Variants in HAUS8 observed in about 807,000 individuals in gnomAD.
The protein encoded by HAUS8 is HAUS augmin-like complex subunit 8.
Under a neutral mutation model 42.9 loss-of-function variants are expected in HAUS8, and 38 were observed. The ratio of observed to expected loss-of-function variants is 0.89; its 90% confidence interval spans 0.68 to 1.16. The LOEUF (loss-of-function observed/expected upper bound fraction) is 1.16, where lower values mean the gene tolerates loss of function less well. Among genes scored for constraint, HAUS8 ranks in the 50% most tolerant of loss-of-function variants. HAUS8 has a pLI of 0.00. For missense variants in HAUS8, 494 were observed against 511.6 expected (o/e 0.97, Z 0.33); for synonymous variants, 199 against 205.8 (o/e 0.97, Z 0.28).
At chr19:17,063,174 C>G (rs1250133595) in intron 3 of HAUS8, among the ~76,000 whole-genome samples, 1 of 152,196 alleles carries the variant, frequency 6.6e-6, no homozygotes, top group African/African-American at 2.4e-5. Flanking sequence ...CACTGGCCTT[C>G]TAATAACCAA....
chr19:17,073,218 A>G, intron 2 of HAUS8, 56 bp downstream of exon 2: 1 of 1,492,976 alleles, frequency 6.7e-7, no homozygotes, highest in Non-Finnish European at 9.3e-7. Flanking sequence ...TTCCTCCAAA[A>G]GCACGTAATG....
intron 2 of HAUS8, among the ~76,000 whole-genome samples, chr19:17,071,018 C>T (rs1384559147): frequency 6.6e-6 from 1 of 150,608 alleles, no homozygotes; most frequent in Non-Finnish European, 1.5e-5. Flanking sequence ...TGCAGTGAGC[C>T]GAGATCGTGC....
chr19:17,063,834 G>A (rs1370588006), intron 3 of HAUS8, among the ~76,000 whole-genome samples: 1 of 152,052 alleles, frequency 6.6e-6, no homozygotes. Context: ...TACACCTTTG[G>A]CTCCCCTGGT....
intron 1 of HAUS8, chr19:17,073,918 C>T (rs1483141454): frequency 6.5e-6 from 1 of 153,186 alleles, no homozygotes; most frequent in South Asian, 2.0e-4. Flanking sequence ...AGGAGAACTG[C>T]TTGAACCCGG....
intron 9 of HAUS8, chr19:17,055,192 A>ATATATAT (rs1568635000): frequency 5.1e-5 from 4 of 78,578 alleles, no homozygotes; most frequent in African/African-American, 1.8e-4. Flanking sequence ...ATATATATAT[A>ATATATAT]AGCCAGGTGT....
chr19:17,051,576 GGGCGCCTGTGCTGCTGGGTTACTC>G (rs1303933800), intron 10 of HAUS8: 1 of 152,016 alleles, frequency 6.6e-6, no homozygotes, highest in African/African-American at 2.4e-5. Context: ...GCTGATGTGA[GGGCGCCTGTGCTGCTGGGTTACTC>G]TGAGGATGTG....
rs547886350 is a variant in HAUS8, at chr19:17,052,818, G to A, written c.929+7C>T. The A allele has an allele frequency of 2.6e-5, 42 of 1,614,016 alleles. No homozygotes were observed. The highest frequency in any genetic ancestry group is 3.2e-5 in the Non-Finnish European group (38 of 1,180,012). On this transcript the variant is annotated splice_region_variant and intron_variant, in intron 10 of 10. Coordinates refer to ENST00000253669, the MANE Select transcript of HAUS8 (RefSeq NM_033417.2). ...CCACCTCTTTCTTAAAGCATTTTCC[G>A]AGGTACCTTCGGAGCTCAAGGTCCT...
At chr19:17,074,320 G>A (rs2057450237) in intron 1 of HAUS8, 1 of 152,586 alleles carries the variant, frequency 6.6e-6, no homozygotes, top group Admixed American at 6.5e-5. Flanking sequence ...CTCCTCTGAA[G>A]CAGGCTCCCA....
intron 1 of HAUS8, chr19:17,074,919 C>A: frequency 6.1e-6 from 1 of 164,770 alleles, no homozygotes; most frequent in South Asian, 1.5e-4. Context: ...CCCTGGGTCT[C>A]CATCATCTCC....
At chr19:17,056,910 T>A (rs2057330287) in intron 8 of HAUS8, among the ~76,000 whole-genome samples, 1 of 152,120 alleles carries the variant, frequency 6.6e-6, no homozygotes, top group African/African-American at 2.4e-5. Flanking sequence ...AGACAGATCT[T>A]ACTGTGTTGC....
At position 17,058,604 on chromosome 19, in the gene HAUS8, C is replaced by T. The variant is rs368689437; in HGVS notation, c.590G>A (p.Arg197His). 44 of 1,613,272 alleles carry T rather than the reference C, an allele frequency of 2.7e-5. No individual in the cohort carries two copies. Among genetic ancestry groups the T allele is most frequent in the African/African-American group, 5.3e-5 (4 of 74,842 alleles). The change falls in exon 8 of 11, where the codon CGC (arginine) becomes CAC (histidine). Residue 197 changes from arginine to histidine, a missense_variant. Arg to His is a conservative substitution (Grantham distance 29). Coordinates refer to ENST00000253669, the MANE Select transcript of HAUS8 (RefSeq NM_033417.2). ...CTTCCTCTGAGAGAGGAGAAGCCTG[C>T]GCTTCAGCTCGTGGGCCTTTTTCTG... ...KLQKKAHELK[R>H]RLLLSQRKRE... is the part of the protein sequence containing the mutation.
At position 17,062,790 on chromosome 19, in the gene HAUS8, A is replaced by C; in HGVS notation, c.148-11T>G. ...ATCTCCTGCAGGAGCCTGTTATGGG[A>C]ACACATGACACTCAGAGGACAAGAC... is the stretch of plus-strand genomic sequence containing the variant. On this transcript the variant is annotated splice_polypyrimidine_tract_variant and intron_variant, in intron 3 of 10. Coordinates refer to ENST00000253669, the MANE Select transcript of HAUS8 (RefSeq NM_033417.2). The C allele has an allele frequency of 5.0e-6, 8 of 1,597,918 alleles. No homozygotes were observed. Among genetic ancestry groups the C allele is most frequent in the Non-Finnish European group, 6.9e-6 (8 of 1,165,298 alleles).
chr19:17,055,146 ATATATATATATATATATATATATATAT>A (rs2057316180), intron 9 of HAUS8: 1 of 3,992 alleles, frequency 2.5e-4, no homozygotes, highest in African/African-American at 1.1e-3. Flanking sequence ...AAAAAAAAAT[ATATATATATATATATATATATATATAT>A]ATATATATAT....
intron 4 of HAUS8, among the ~76,000 whole-genome samples, chr19:17,060,818 C>A (rs1172153272): frequency 1.3e-5 from 2 of 152,192 alleles, no homozygotes; most frequent in African/African-American, 4.8e-5. Context: ...CTTACACTGT[C>A]TAAGATGGGC....
intron 2 of HAUS8, among the ~76,000 whole-genome samples, chr19:17,070,305 C>T (rs2057413904): frequency 6.6e-6 from 1 of 152,058 alleles, no homozygotes; most frequent in Non-Finnish European, 1.5e-5. Flanking sequence ...TCTGAACCAC[C>T]AGGCACAACC....
At chr19:17,056,190 G>T (rs1181961855) in intron 8 of HAUS8, among the ~76,000 whole-genome samples, 188 bp from the exon 9 acceptor site, 1 of 152,160 alleles carries the variant, frequency 6.6e-6, no homozygotes, top group Non-Finnish European at 1.5e-5. Context: ...ATGGCAAGGC[G>T]GCCCAGGCCC....
intron 10 of HAUS8, among the ~76,000 whole-genome samples, chr19:17,051,400 G>T (rs2057286426): frequency 6.7e-6 from 1 of 148,496 alleles, no homozygotes; most frequent in Non-Finnish European, 1.5e-5. Flanking sequence ...AAAAAAAAAA[G>T]CGGGGGGAGA....
chr19:17,068,979 G>A (rs2305754), intron 3 of HAUS8, 52 bp downstream of exon 3: 1,082,152 of 1,544,638 alleles, frequency 0.7, 382,007 homozygotes, highest in Admixed American at 0.81. Flanking sequence ...AATTCCAGTT[G>A]CTCAGAACCT....
intron 2 of HAUS8, among the ~76,000 whole-genome samples, chr19:17,071,873 G>A (rs1296464814): frequency 6.6e-6 from 1 of 152,092 alleles, no homozygotes; most frequent in Non-Finnish European, 1.5e-5. Flanking sequence ...GCAGCTCCCA[G>A]CTACTTGGGA....
Sources: allele counts gnomAD v4.1 joint callset (sites outside exome capture counted in the v4.1 genomes callset), GRCh38; gene constraint gnomAD v4.1.1; transcripts MANE v1.5; gene names NCBI Gene and HGNC (gene_info 2026-07-23, HGNC 2026-07-21).